NTSR1: variants seen among roughly 807,000 people sequenced by gnomAD.
NTSR1 encodes neurotensin receptor 1.
NTSR1 carries 29 observed loss-of-function variants against 31.2 expected under a neutral mutation model. The ratio of observed to expected loss-of-function variants is 0.93; its 90% CI spans 0.69 to 1.27. The LOEUF (loss-of-function observed/expected upper bound fraction) is 1.27, where lower values mean the gene tolerates loss of function less well. Ranked by LOEUF, NTSR1 falls within the 50% of genes most tolerant of loss-of-function variation. The pLI is 0.00. For missense variants in NTSR1, 697 were observed against 595.4 expected (o/e 1.17, Z -1.78); for synonymous variants, 282 against 269.9 (o/e 1.04, Z -0.44).
Position 62,721,557 on chromosome 20 carries a change from C to T in NTSR1, c.714+11636C>T, listed in dbSNP as rs559371486. ...GCCTGTTTTTGGGTCTTTTGCTGTTCAGCCATTCCACATGAAAGTGCCATT... is the reference window on the plus strand; with the variant it reads ...GCCTGTTTTTGGGTCTTTTGCTGTTTAGCCATTCCACATGAAAGTGCCATT... On this transcript the variant is annotated intron_variant, in intron 1 of 3. Coordinates refer to ENST00000370501, the MANE Select transcript of NTSR1 (RefSeq NM_002531.3). Among the ~76,000 whole-genome samples the T allele has an allele frequency of 2.6e-5, 4 of 152,346 alleles. 1 individual carries two copies. Among genetic ancestry groups the T allele is most frequent in the African/African-American group, 9.6e-5 (4 of 41,566 alleles).
chr20:62,739,742 G>A (rs1568705291), intron 1 of NTSR1, among the ~76,000 whole-genome samples: 1 of 152,286 alleles, frequency 6.6e-6, no homozygotes, highest in Non-Finnish European at 1.5e-5. Flanking sequence ...ACTAGGCGCT[G>A]GGAGGGGCAG....
intron 1 of NTSR1, among the ~76,000 whole-genome samples, chr20:62,736,219 C>T (rs1989089478): frequency 6.6e-6 from 1 of 152,176 alleles, no homozygotes; most frequent in African/African-American, 2.4e-5. Context: ...TGCACTTGCC[C>T]CATGGAGCAG....
rs1203195899 is a variant in NTSR1, at chr20:62,758,738, G to C, written c.1007+382G>C. ...TTGGACCCACAGGGCTCAGCCTGGA[G>C]TTATACTCAGGGCTGTGACTTATCG... On this transcript the variant is annotated intron_variant, in intron 3 of 3. Coordinates refer to ENST00000370501, the MANE Select transcript of NTSR1 (RefSeq NM_002531.3). The surrounding 1 kb of genome is among the most constrained non-coding windows in gnomAD (Gnocchi z 4.5). Among the ~76,000 whole-genome samples, 1 of 152,196 alleles carries C rather than the reference G, an allele frequency of 6.6e-6. No homozygotes were observed. The highest frequency in any genetic ancestry group is 1.5e-5 in the Non-Finnish European group (1 of 68,022).
chr20:62,709,411 C>A lies in NTSR1; in HGVS notation c.204C>A (p.Ala68=). 1 of 1,610,954 alleles carries A rather than the reference C, an allele frequency of 6.2e-7. No individual in the cohort carries two copies. Among genetic ancestry groups the A allele is most frequent in the Non-Finnish European group, 8.5e-7 (1 of 1,178,552 alleles). ...TCTACTCCAAGGTGCTGGTGACCGC[C>A]GTGTACCTGGCGCTCTTCGTGGTGG... ...TDIYSKVLVT[A]VYLALFVVGT... Residue 68 remains alanine, a synonymous_variant, in exon 1 of 4, where the codon GCC becomes GCA. Transcript: ENST00000370501.
intron 1 of NTSR1, among the ~76,000 whole-genome samples, chr20:62,730,731 C>T (rs895465117): frequency 6.6e-5 from 10 of 152,228 alleles, no homozygotes; most frequent in Admixed American, 6.5e-5. Flanking sequence ...TCTGTTGCTC[C>T]GCAGCCTTGC....
At position 62,714,219 on chromosome 20, in the gene NTSR1, G is replaced by T. The variant is rs547924139; in HGVS notation, c.714+4298G>T. On this transcript the variant is annotated intron_variant, in intron 1 of 3. Transcript: ENST00000370501. This position sits in a 1 kb window ranked among gnomAD's most constrained non-coding sequence, Gnocchi z 4.1. Reference sequence around the variant, plus strand: ...GCTGTGGGCAGCTCTGGCTCTGGCCGTAGCGGCCACAGTGTCCTCACCTGC... The same window carrying T: ...GCTGTGGGCAGCTCTGGCTCTGGCCTTAGCGGCCACAGTGTCCTCACCTGC... Among the ~76,000 whole-genome samples, 63 of 152,378 alleles carry T rather than the reference G, an allele frequency of 4.1e-4. 1 individual carries two copies. In the Middle Eastern group the frequency reaches 0.014, roughly 33 times the overall value.
Position 62,709,724 on chromosome 20 carries a change from C to T in NTSR1, c.517C>T (p.Pro173Ser). The change falls in exon 1 of 4, where the codon CCC (proline) becomes TCC (serine). Residue 173 changes from proline (P) to serine (S), a missense_variant. Coordinates refer to ENST00000370501, the MANE Select transcript of NTSR1 (RefSeq NM_002531.3). The part of the protein sequence containing the change: ...SVERYLAICH[P>S]FKAKTLMSRS... ...GGAGCGCTACCTGGCCATCTGCCAC[C>T]CCTTCAAGGCCAAGACCCTCATGTC... 1 of 1,612,954 alleles carries T rather than the reference C, an allele frequency of 6.2e-7. No homozygotes were observed. The highest frequency in any genetic ancestry group is 8.5e-7 in the Non-Finnish European group (1 of 1,179,908).
chr20:62,753,271 G>A (rs1372942060), intron 1 of NTSR1, among the ~76,000 whole-genome samples: 2 of 152,314 alleles, frequency 1.3e-5, no homozygotes, highest in Admixed American at 6.5e-5. Flanking sequence ...ACATTCCCAC[G>A]ACCCCAGCAC....
At position 62,730,349 on chromosome 20, in the gene NTSR1, G is replaced by A. The variant is rs192491520; in HGVS notation, c.714+20428G>A. On this transcript the variant is annotated intron_variant, in intron 1 of 3. Transcript: ENST00000370501. Reference sequence around the variant, plus strand: ...AACGTCACACAGCTGGGATTATACCGTATGCAGCCTTTTCAGACCAGCTTC... The same window carrying A: ...AACGTCACACAGCTGGGATTATACCATATGCAGCCTTTTCAGACCAGCTTC... Among the ~76,000 whole-genome samples the A allele has an allele frequency of 4.6e-5, 7 of 152,284 alleles. No individual in the cohort carries two copies. The East Asian group carries it at 5.8e-4, about 13-fold the overall frequency.
intron 1 of NTSR1, among the ~76,000 whole-genome samples, chr20:62,734,260 CT>C (rs1989048636): frequency 6.6e-6 from 1 of 150,776 alleles, no homozygotes; most frequent in African/African-American, 2.4e-5. Flanking sequence ...GGGATGAGAG[CT>C]TTTCTGGAGC....
At chr20:62,747,185 T>C (rs373069556) in intron 1 of NTSR1, among the ~76,000 whole-genome samples, 1 of 152,292 alleles carries the variant, frequency 6.6e-6, no homozygotes, top group African/African-American at 2.4e-5. Flanking sequence ...TTGACAAAAC[T>C]CAGCATCCTT....
At chr20:62,730,040 C>A (rs1271077324) in intron 1 of NTSR1, among the ~76,000 whole-genome samples, 1 of 152,110 alleles carries the variant, frequency 6.6e-6, no homozygotes, top group Admixed American at 6.5e-5. Flanking sequence ...CAGGTGTCTC[C>A]CTGTTATTAA....
chr20:62,733,401 G>C lies in NTSR1; in HGVS notation c.715-21284G>C, dbSNP rs1048210077. Among the ~76,000 whole-genome samples the C allele has an allele frequency of 6.6e-6, 1 of 152,162 alleles. No individual in the cohort carries two copies. The highest frequency in any genetic ancestry group is 2.4e-5 in the African/African-American group (1 of 41,450). ...TTCCGGGAGCAAATGAGCATCTCTC[G>C]GGACAGTTGTGTTTCCCTTGGGCAG... On this transcript the variant is annotated intron_variant, in intron 1 of 3. Transcript: ENST00000370501. The surrounding 1 kb of genome is among the most constrained non-coding windows in gnomAD (Gnocchi z 5.2).
At chr20:62,754,644 C>T (rs752103565) in intron 1 of NTSR1, 41 bp from the exon 2 acceptor site, 2 of 1,549,730 alleles carry the variant, frequency 1.3e-6, no homozygotes, top group Non-Finnish European at 8.9e-7. Flanking sequence ...TGCATGAGTC[C>T]CGCTGCTGGC....
rs994364840 is a variant in NTSR1 at position 62,758,338 on chromosome 20, C to T, written c.989C>T (p.Ser330Leu). The change falls in exon 3 of 4, where the codon TCG becomes TTG. Residue 330 changes from serine (S) to leucine (L), a missense_variant. Ser to Leu is a moderately radical substitution (Grantham distance 145). Coordinates refer to ENST00000370501, the MANE Select transcript of NTSR1 (RefSeq NM_002531.3). The surrounding 1 kb of genome is among the most constrained non-coding windows in gnomAD (Gnocchi z 4.5). ...CGGCGCCTCATGTTCTGCTACATCT[C>T]GGATGAGCAGTGGACTCCGTGAGTA... ...HVRRLMFCYI[S>L]DEQWTPFLYD... 14 of 1,613,542 alleles carry T rather than the reference C, an allele frequency of 8.7e-6. No homozygotes were observed. Among genetic ancestry groups the T allele is most frequent in the Middle Eastern group, 3.3e-4 (2 of 6,060 alleles).
chr20:62,717,795 A>T (rs2147132962), intron 1 of NTSR1, among the ~76,000 whole-genome samples: 1 of 79,786 alleles, frequency 1.3e-5, no homozygotes, highest in Admixed American at 1.6e-4. Flanking sequence ...GGATGGGGGT[A>T]TAGCAGCCCA....
At chr20:62,756,648 G>C (rs1343525342) in intron 2 of NTSR1, 3 of 152,410 alleles carry the variant, frequency 2.0e-5, no homozygotes, top group Middle Eastern at 3.4e-3. Context: ...TCTCAGGGCT[G>C]GCGAAGCCCA....
chr20:62,732,450 G>T lies in NTSR1; in HGVS notation c.715-22235G>T, dbSNP rs962316412. The stretch of plus-strand genomic sequence containing the variant: ...TGATGGATTTCGATAATCTGTTTCC[G>T]AACCCTGGAGCAGCCTCGCATGCCT... On this transcript the variant is annotated intron_variant, in intron 1 of 3. Transcript: ENST00000370501. This position sits in a 1 kb window ranked among gnomAD's most constrained non-coding sequence, Gnocchi z 4.0. 6.6e-6 allele frequency: 1 copy of T among 152,190 alleles called. No homozygotes were observed. The highest frequency in any genetic ancestry group is 6.5e-5 in the Admixed American group (1 of 15,284). 9.4% of individuals were successfully genotyped at this position (152,190 alleles called of 1,614,324 possible).
At chr20:62,721,764 A>C (rs1489839246) in intron 1 of NTSR1, among the ~76,000 whole-genome samples, 1 of 152,312 alleles carries the variant, frequency 6.6e-6, no homozygotes, top group Non-Finnish European at 1.5e-5. Context: ...CACACTCTCT[A>C]GTTTCCAGGG....
Sources: gnomAD v4.1 joint callset for allele counts (sites outside exome capture counted in the v4.1 genomes callset) on GRCh38, gnomAD v4.1.1 for gene constraint, Gnocchi (gnomAD v3.1) non-coding constraint, MANE v1.5 for transcripts, NCBI Gene and HGNC (gene_info 2026-07-23, HGNC 2026-07-21) for gene names.